The following SCN2A variants were observed in gnomAD, a reference collection of about 807,000 sequenced individuals.
SCN2A encodes sodium channel protein type 2 subunit alpha.
SCN2A carries 20 observed loss-of-function variants against 188.7 expected under a neutral mutation model. The observed-to-expected ratio is 0.11, with a 90% CI of 0.07 to 0.15. The LOEUF is 0.15. Among genes scored for constraint, SCN2A ranks in the 10% least tolerant of loss-of-function variants. The pLI, the probability that SCN2A is intolerant of heterozygous loss-of-function variation, is 1.00. For synonymous variants in SCN2A, 804 were observed against 833.1 expected (o/e 0.97, Z 0.60); for missense variants, 1,278 against 2,445.0 (o/e 0.52, Z 10.07).
chr2:165,308,071 C>T (rs1697233701), intron 4 of SCN2A, 134 bp downstream of exon 4: 1 of 745,378 alleles, frequency 1.3e-6, no homozygotes, highest in African/African-American at 1.7e-5. Context: ...AAATTCATTT[C>T]TGTCACTAAA....
intron 18 of SCN2A, 58 bp downstream of exon 18, chr2:165,365,321 C>A: frequency 6.3e-7 from 1 of 1,595,218 alleles, no homozygotes. Context: ...CCATTTTTTC[C>A]TATTTATTTA....
chr2:165,256,996 G>A (rs896329358), intron 1 of SCN2A, among the ~76,000 whole-genome samples: 4 of 151,354 alleles, frequency 2.6e-5, no homozygotes, highest in Non-Finnish European at 5.9e-5. Flanking sequence ...TTTTAACTTT[G>A]CTCATTTAAA....
intron 1 of SCN2A, among the ~76,000 whole-genome samples, chr2:165,288,635 T>C (rs1294676804): frequency 1.3e-5 from 2 of 151,932 alleles, no homozygotes; most frequent in African/African-American, 4.8e-5. Context: ...GAAAAACACG[T>C]AAGTCTGGTT....
intron 12 of SCN2A, among the ~76,000 whole-genome samples, chr2:165,326,459 T>C (rs560896816): frequency 2.6e-5 from 4 of 152,202 alleles, no homozygotes; most frequent in Non-Finnish European, 4.4e-5. Flanking sequence ...GTTCATATAT[T>C]AAACTACCTG....
At chr2:165,361,557 A>C (rs1028230536) in intron 17 of SCN2A, among the ~76,000 whole-genome samples, 15 of 152,066 alleles carry the variant, frequency 9.9e-5, no homozygotes, top group Admixed American at 7.2e-4. Context: ...CTCTAAATAA[A>C]TACTGGATTG....
At chr2:165,350,448 C>T (rs967337175) in intron 16 of SCN2A, among the ~76,000 whole-genome samples, 1 of 144,712 alleles carries the variant, frequency 6.9e-6, no homozygotes, top group Non-Finnish European at 1.5e-5. Context: ...AGTGAGCTTG[C>T]TGAACTGTTT....
chr2:165,240,016 A>G (rs548682992), intron 1 of SCN2A: 5 of 152,224 alleles, frequency 3.3e-5, no homozygotes, highest in African/African-American at 1.2e-4. Flanking sequence ...GGCTCTGCCA[A>G]AGCTCAGGGC....
At chr2:165,357,393 T>G (rs1700234648) in intron 17 of SCN2A, among the ~76,000 whole-genome samples, 1 of 152,138 alleles carries the variant, frequency 6.6e-6, no homozygotes, top group South Asian at 2.1e-4. Context: ...AATTAATTTT[T>G]TAATTAAAGA....
In SCN2A at chr2:165,313,716, A is replaced by G. The variant is rs928600496; in HGVS notation, c.1131A>G (p.Leu377=). Residue 377 remains leucine, a synonymous_variant, in exon 9 of 27, where the codon TTA becomes TTG. Transcript: ENST00000375437. ...FDTFSWAFLS[L]FRLMTQDFWE... is the part of the protein sequence containing the mutation. The stretch of plus-strand genomic sequence containing the variant: ...CCTTTAGTTGGGCCTTTTTGTCCTT[A>G]TTTCGTCTCATGACTCAAGACTTCT... The G allele has an allele frequency of 4.3e-6, 7 of 1,613,478 alleles. No homozygotes were observed. The African/African-American group carries it at 8.0e-5, about 18-fold the overall frequency.
intron 16 of SCN2A, among the ~76,000 whole-genome samples, chr2:165,351,489 C>T (rs756566347): frequency 7.9e-5 from 12 of 151,360 alleles, no homozygotes; most frequent in Admixed American, 2.6e-4. Context: ...AAGGAAGTAT[C>T]GGTAAGAGTA....
chr2:165,281,707 A>G (rs1455897221), intron 1 of SCN2A, among the ~76,000 whole-genome samples: 1 of 152,116 alleles, frequency 6.6e-6, no homozygotes, highest in East Asian at 1.9e-4. Flanking sequence ...CCACATTGAG[A>G]ATAAACTGAA....
chr2:165,356,561 T>C (rs1700190377), intron 17 of SCN2A, among the ~76,000 whole-genome samples: 1 of 152,158 alleles, frequency 6.6e-6, no homozygotes, highest in African/African-American at 2.4e-5. Context: ...GTAAAAAAAG[T>C]CAATTTTTAT....
rs71028477 is a variant in SCN2A, at chr2:165,303,270, G to GTTTTTTTTTTTTTTT, written c.387-4569_387-4555dup. Among the ~76,000 whole-genome samples, 42 of 91,304 alleles carry GTTTTTTTTTTTTTTT rather than the reference G, an allele frequency of 4.6e-4. 3 individuals carry two copies. The highest frequency in any genetic ancestry group is 1.5e-3 in the East Asian group (4 of 2,672). 59.9% of individuals were successfully genotyped at this position (91,304 alleles called of 152,430 possible). The stretch of plus-strand genomic sequence containing the variant: ...TTGTATTTGAGTTTTTGTTATTTGA[G>GTTTTTTTTTTTTTTT]TTTTTTTTTTTTTTTTTTTTTTTGA... On this transcript the variant is annotated intron_variant, in intron 3 of 26. Coordinates refer to ENST00000375437, the MANE Select transcript of SCN2A (RefSeq NM_001040142.2).
At chr2:165,345,032 T>G in intron 16 of SCN2A, 121 bp downstream of exon 16, 1 of 1,246,350 alleles carries the variant, frequency 8.0e-7, no homozygotes, top group African/African-American at 1.5e-5. Context: ...TGTCTATTAC[T>G]CATGACTGTA....
intron 14 of SCN2A, 68 bp from the exon 15 acceptor site, chr2:165,342,228 A>C: frequency 7.0e-7 from 1 of 1,438,114 alleles, no homozygotes; most frequent in Non-Finnish European, 9.8e-7. Context: ...GGAGTAAATT[A>C]AGTTGCTCAA....
chr2:165,258,490 G>A (rs1694427851), intron 1 of SCN2A, among the ~76,000 whole-genome samples: 1 of 152,186 alleles, frequency 6.6e-6, no homozygotes, highest in South Asian at 2.1e-4. Flanking sequence ...TGGTGGGATT[G>A]TAAATTAGTT....
chr2:165,372,869 C>A (rs1701113527), intron 20 of SCN2A: 1 of 229,948 alleles, frequency 4.3e-6, no homozygotes. Flanking sequence ...ATAAGTTTTA[C>A]AGATCTGTAG....
rs143484493 is a variant in SCN2A, at chr2:165,283,520, G to T, written c.-51-12253G>T. On this transcript the variant is annotated intron_variant, in intron 1 of 26. Transcript: ENST00000375437. Reference sequence around the variant, plus strand: ...GTACATTCATTATGGTGCATGTGAAGGTATTGAGAAAACAACTTCCGCTTT... The same window carrying T: ...GTACATTCATTATGGTGCATGTGAATGTATTGAGAAAACAACTTCCGCTTT... Among the ~76,000 whole-genome samples, 581 of 152,284 alleles carry T rather than the reference G, an allele frequency of 3.8e-3. 3 individuals are homozygous for T. The highest frequency in any genetic ancestry group is 0.013 in the African/African-American group (548 of 41,542).
chr2:165,314,195 A>C, intron 10 of SCN2A, 87 bp downstream of exon 10: 1 of 1,351,426 alleles, frequency 7.4e-7, no homozygotes, highest in Non-Finnish European at 1.0e-6. Context: ...GGTAGTTGAC[A>C]TTAGAAATAG....
Sources: allele counts gnomAD v4.1 joint callset (sites outside exome capture counted in the v4.1 genomes callset), GRCh38; gene constraint gnomAD v4.1.1; transcripts MANE v1.5; gene names NCBI Gene and HGNC (gene_info 2026-07-23, HGNC 2026-07-21).